TNKS1BP1: variants seen among roughly 807,000 people sequenced by gnomAD.
TNKS1BP1 encodes the protein 182 kDa tankyrase-1-binding protein.
A neutral mutation model predicts 141.1 loss-of-function variants in TNKS1BP1; 48 were observed. That is an observed-to-expected ratio of 0.34 (90% CI 0.27 to 0.43). TNKS1BP1 has a LOEUF of 0.43. TNKS1BP1 is among the 20% of genes least tolerant of loss of function. The probability of loss-of-function intolerance (pLI) is 1.00; values close to 1 mark genes in which losing one functional copy is unlikely to be tolerated. For synonymous variants in TNKS1BP1, 875 were observed against 898.2 expected (o/e 0.97, Z 0.46); for missense variants, 2,149 against 2,226.0 (o/e 0.97, Z 0.70).
At chr11:57,311,410 CG>C in intron 5 of TNKS1BP1, 1 of 985,768 alleles carries the variant, frequency 1.0e-6, no homozygotes, top group South Asian at 4.7e-5. Context: ...TGCGGCCAGC[CG>C]GGCGCAGGGA....
In TNKS1BP1 at chr11:57,302,409, C is replaced by T. The variant is rs373096878; in HGVS notation, c.4683+50G>A. Reference sequence around the variant, plus strand: ...AGGGAAGCTCCAGGAATGGGGCTCTCGCTGCATCGCCCTCACCCACCCACT... The same window carrying T: ...AGGGAAGCTCCAGGAATGGGGCTCTTGCTGCATCGCCCTCACCCACCCACT... On this transcript the variant is annotated intron_variant, in intron 7 of 11. Transcript: ENST00000358252. This position sits in a 1 kb window ranked among gnomAD's most constrained non-coding sequence, Gnocchi z 5.5. 1.3e-6 allele frequency: 2 copies of T among 1,549,282 alleles called. No homozygotes were observed. Among genetic ancestry groups the T allele is most frequent in the Admixed American group, 3.6e-5 (2 of 55,818 alleles).
At position 57,320,630 on chromosome 11, in the gene TNKS1BP1, C is replaced by T. The variant is rs1420150462; in HGVS notation, c.177G>A (p.Leu59=). 6.2e-7 allele frequency: 1 copy of T among 1,613,424 alleles called. No homozygotes were observed. Among genetic ancestry groups the T allele is most frequent in the East Asian group, 2.2e-5 (1 of 44,874 alleles). Residue 59 remains leucine (L), a synonymous_variant, in exon 3 of 12, where the codon CTG becomes CTA. Coordinates refer to ENST00000358252, the MANE Select transcript of TNKS1BP1 (RefSeq NM_033396.3). The part of the protein sequence containing the change: ...AKPALPAKPS[L]LVPVGPRPPR... ...GAGGCCGAGGCCCAACAGGCACCAG[C>T]AGGCTGGGTTTGGCAGGCAGGGCTG...
At chr11:57,319,767 CAAA>C (rs35985668) in intron 3 of TNKS1BP1, among the ~76,000 whole-genome samples, 5 of 102,950 alleles carry the variant, frequency 4.9e-5, no homozygotes. Flanking sequence ...AACACCATCT[CAAA>C]AAAAAAAAAA....
At chr11:57,322,421 CCTCT>C in intron 1 of TNKS1BP1, 2 of 578,892 alleles carry the variant, frequency 3.5e-6, no homozygotes, top group Non-Finnish European at 2.2e-6. Flanking sequence ...ACCCTCCTTC[CCTCT>C]CTCCCTCCCT....
chr11:57,319,882 C>A (rs2134373350), intron 3 of TNKS1BP1, among the ~76,000 whole-genome samples, 197 bp downstream of exon 3: 1 of 151,942 alleles, frequency 6.6e-6, no homozygotes. Context: ...TAAAAGCATA[C>A]AGTAATGATA....
chr11:57,320,673 C>T lies in TNKS1BP1; in HGVS notation c.134G>A (p.Arg45Gln), dbSNP rs754544736. 8.1e-6 allele frequency: 13 copies of T among 1,608,556 alleles called. No homozygotes were observed. In the African/African-American group the frequency reaches 9.4e-5, roughly 12 times the overall value. The change falls in exon 3 of 12, where the codon CGG becomes CAG. Residue 45 changes from arginine to glutamine, a missense_variant. Arg to Gln is a conservative substitution (Grantham distance 43). Coordinates refer to ENST00000358252, the MANE Select transcript of TNKS1BP1 (RefSeq NM_033396.3). ...RAKPPVKPKP[R>Q]ALPAKPALPA... ...CAGGGCTGGCTTGGCAGGCAGGGCC[C>T]GGGGTTTGGGCTTGACAGGGGGTTT...
Position 57,310,592 on chromosome 11 carries a change from C to T in TNKS1BP1, c.2155-36G>A, listed in dbSNP as rs1414835102. The T allele has an allele frequency of 1.3e-5, 20 of 1,574,188 alleles. No homozygotes were observed. In the East Asian group the frequency reaches 1.8e-4, roughly 14 times the overall value. On this transcript the variant is annotated intron_variant, in intron 5 of 11. Transcript: ENST00000358252. The stretch of plus-strand genomic sequence containing the variant: ...GAAAAAAAAACAGACAAAGAAACAA[C>T]GATTAGATTCCATCAGGGTGGGAGT...
intron 4 of TNKS1BP1, among the ~76,000 whole-genome samples, chr11:57,316,730 C>G (rs891643082): frequency 5.3e-5 from 8 of 152,220 alleles, no homozygotes; most frequent in Admixed American, 5.2e-4. Flanking sequence ...TCATCTCTCA[C>G]TTGGACTATT....
chr11:57,322,359 G>A (rs1008077576), intron 1 of TNKS1BP1: 40 of 978,172 alleles, frequency 4.1e-5, no homozygotes, highest in Non-Finnish European at 4.6e-5. Flanking sequence ...GGAAAAACCC[G>A]CTCCTCCCCA....
chr11:57,320,803 C>T, intron 2 of TNKS1BP1, 91 bp from the exon 3 acceptor site: 2 of 1,381,366 alleles, frequency 1.4e-6, no homozygotes, highest in East Asian at 2.4e-5. Context: ...CTCCCACCCT[C>T]CGATTTAAGA....
Position 57,309,423 on chromosome 11 carries a change from G to T in TNKS1BP1, c.3288C>A (p.Pro1096=). The T allele has an allele frequency of 6.2e-7, 1 of 1,614,086 alleles. No individual in the cohort carries two copies. The highest frequency in any genetic ancestry group is 8.5e-7 in the Non-Finnish European group (1 of 1,180,010). The change falls in exon 6 of 12, where the codon CCC becomes CCA. Residue 1096 remains proline, a synonymous_variant. Coordinates refer to ENST00000358252, the MANE Select transcript of TNKS1BP1 (RefSeq NM_033396.3). This position sits in a 1 kb window ranked among gnomAD's most constrained non-coding sequence, Gnocchi z 4.3. ...WVGEFSLSVG[P]QREAAFSPGQ... is the part of the protein sequence containing the mutation. ...CTGGGCTAAATGCTGCCTCTCGCTG[G>T]GGGCCAACACTGAGGCTAAACTCAC... is the stretch of plus-strand genomic sequence containing the variant.
At chr11:57,316,738 A>G (rs1855805149) in intron 4 of TNKS1BP1, among the ~76,000 whole-genome samples, 1 of 152,152 alleles carries the variant, frequency 6.6e-6, no homozygotes, top group Non-Finnish European at 1.5e-5. Flanking sequence ...CACTTGGACT[A>G]TTCCAACAGC....
At chr11:57,304,286 G>C (rs1261237083) in intron 6 of TNKS1BP1, among the ~76,000 whole-genome samples, 1 of 152,148 alleles carries the variant, frequency 6.6e-6, no homozygotes, top group Non-Finnish European at 1.5e-5. Flanking sequence ...CAGGGAGAGA[G>C]AGCATGAGTG....
Position 57,320,352 on chromosome 11 carries a change from G to A in TNKS1BP1, c.455C>T (p.Ala152Val), listed in dbSNP as rs1305763800. The A allele has an allele frequency of 3.7e-6, 6 of 1,614,178 alleles. No homozygotes were observed. Among genetic ancestry groups the A allele is most frequent in the Non-Finnish European group, 5.1e-6 (6 of 1,180,046 alleles). ...CGTGGTGGCCGCGAAGCGCTCTGAG[G>A]CTGGGCGGAAAGGGGCAGGGGCCTT... Reference protein sequence around the residue: ...VRKAPAPFRPASERFAATTVE... With the variant: ...VRKAPAPFRPVSERFAATTVE... The change falls in exon 3 of 12, where the codon GCC becomes GTC. Residue 152 changes from alanine (A) to valine (V), a missense_variant. Transcript: ENST00000358252.
At position 57,309,989 on chromosome 11, in the gene TNKS1BP1, C is replaced by T; in HGVS notation, c.2722G>A (p.Asp908Asn). Reference protein sequence around the residue: ...ASQDANEQGQDLGKRDHHGRY... With the variant: ...ASQDANEQGQNLGKRDHHGRY... The stretch of plus-strand genomic sequence containing the variant: ...CCATGGTGGTCCCTCTTCCCCAAAT[C>T]TTGGCCCTGCTCGTTGGCATCTTGG... Residue 908 changes from aspartate to asparagine, a missense_variant, in exon 6 of 12, where the codon GAT becomes AAT. Asp to Asn is a conservative substitution (Grantham distance 23). Coordinates refer to ENST00000358252, the MANE Select transcript of TNKS1BP1 (RefSeq NM_033396.3). This position sits in a 1 kb window ranked among gnomAD's most constrained non-coding sequence, Gnocchi z 4.3. 6.2e-7 allele frequency: 1 copy of T among 1,614,072 alleles called. No individual in the cohort carries two copies. Among genetic ancestry groups the T allele is most frequent in the Non-Finnish European group, 8.5e-7 (1 of 1,179,928 alleles).
chr11:57,313,168 G>A lies in TNKS1BP1; in HGVS notation c.1520C>T (p.Ala507Val). The A allele has an allele frequency of 6.2e-7, 1 of 1,612,942 alleles. No homozygotes were observed. The highest frequency in any genetic ancestry group is 1.1e-5 in the South Asian group (1 of 91,092). ...PSPITEASEA[A>V]EAAEAGNLAV... Reference sequence around the variant, plus strand: ...CAAGTTGCCAGCCTCAGCAGCCTCGGCGGCCTCACTGGCTTCAGTGATGGG... The same window carrying A: ...CAAGTTGCCAGCCTCAGCAGCCTCGACGGCCTCACTGGCTTCAGTGATGGG... Residue 507 changes from alanine (A) to valine (V), a missense_variant, in exon 5 of 12, where the codon GCC (alanine) becomes GTC (valine). By Grantham distance (64) the Ala-to-Val change is moderately conservative. Coordinates refer to ENST00000358252, the MANE Select transcript of TNKS1BP1 (RefSeq NM_033396.3).
intron 6 of TNKS1BP1, 184 bp from the exon 7 acceptor site, chr11:57,303,009 G>C: frequency 1.5e-6 from 1 of 662,484 alleles, no homozygotes; most frequent in Non-Finnish European, 2.3e-6. Flanking sequence ...GAAGAGCTGA[G>C]CCAGTCTGGC....
rs779447239 is a variant in TNKS1BP1, at chr11:57,308,557, G to A, written c.4154C>T (p.Ser1385Phe). The change falls in exon 6 of 12, where the codon TCT becomes TTT. Residue 1385 changes from serine to phenylalanine, a missense_variant. By Grantham distance (155) the Ser-to-Phe change is radical (BLOSUM62 -2). Transcript: ENST00000358252. ...GGGGTCTCTGGCCTCCAGGCCAGGA[G>A]ACAAGCTGCCATTGTGCCTCAGGCC... ...EPGLRHNGSL[S>F]PGLEARDPLE... 1.9e-6 allele frequency: 3 copies of A among 1,614,074 alleles called. No homozygotes were observed. The highest frequency in any genetic ancestry group is 1.7e-5 in the Admixed American group (1 of 60,022).
Position 57,302,313 on chromosome 11 carries a change from C to T in TNKS1BP1, c.4684-89G>A. 1 of 1,544,978 alleles carries T rather than the reference C, an allele frequency of 6.5e-7. No homozygotes were observed. Among genetic ancestry groups the T allele is most frequent in the Admixed American group, 1.8e-5 (1 of 54,704 alleles). ...TAGCTGACCAGGAGCTGGACCCCTC[C>T]TGCAGCCGGAGCTTCACGTTCACGT... On this transcript the variant is annotated intron_variant, in intron 7 of 11. Coordinates refer to ENST00000358252, the MANE Select transcript of TNKS1BP1 (RefSeq NM_033396.3). This position sits in a 1 kb window ranked among gnomAD's most constrained non-coding sequence, Gnocchi z 5.5.
Sources: gnomAD v4.1 joint callset for allele counts (sites outside exome capture counted in the v4.1 genomes callset) on GRCh38, gnomAD v4.1.1 for gene constraint, Gnocchi (gnomAD v3.1) non-coding constraint, MANE v1.5 for transcripts, NCBI Gene and HGNC (gene_info 2026-07-23, HGNC 2026-07-21) for gene names.